Variants in CAMK1D observed in about 807,000 individuals in gnomAD.
CAMK1D encodes calcium/calmodulin dependent protein kinase ID.
A neutral mutation model predicts 47.7 loss-of-function variants in CAMK1D; 9 were observed. The observed-to-expected ratio is 0.19, with a 90% CI of 0.11 to 0.33. CAMK1D has a LOEUF of 0.33. Among genes scored for constraint, CAMK1D ranks in the 10% least tolerant of loss-of-function variants. The probability of loss-of-function intolerance (pLI) is 1.00; values close to 1 mark genes in which losing one functional copy is unlikely to be tolerated. For synonymous variants in CAMK1D, 184 were observed against 184.9 expected (o/e 0.99, Z 0.04); for missense variants, 291 against 488.7 (o/e 0.60, Z 3.81).
chr10:12,540,479 C>T (rs1467882525), intron 1 of CAMK1D, among the ~76,000 whole-genome samples: 1 of 152,126 alleles, frequency 6.6e-6, no homozygotes, highest in Middle Eastern at 3.2e-3. Flanking sequence ...TTGTCTTCTG[C>T]GTTTGGATCA....
rs191904763 is a variant in CAMK1D, at chr10:12,656,237, G to T, written c.225-10499G>T. On this transcript the variant is annotated intron_variant, in intron 2 of 10. Transcript: ENST00000619168. Reference sequence around the variant, plus strand: ...AGTGCTAGCTATGCCCCCACAGTGGGTACCCTGCATTGTACTAAGGAGGCC... The same window carrying T: ...AGTGCTAGCTATGCCCCCACAGTGGTTACCCTGCATTGTACTAAGGAGGCC... Among the ~76,000 whole-genome samples the T allele has an allele frequency of 2.6e-5, 4 of 152,306 alleles. No homozygotes were observed. In the East Asian group the frequency reaches 7.7e-4, roughly 29 times the overall value.
chr10:12,537,303 C>G (rs1393019847), intron 1 of CAMK1D, among the ~76,000 whole-genome samples: 1 of 152,218 alleles, frequency 6.6e-6, no homozygotes, highest in Non-Finnish European at 1.5e-5. Context: ...AACTCCTGAC[C>G]TCAAGTGATC....
chr10:12,517,974 A>C (rs1318005989), intron 1 of CAMK1D, among the ~76,000 whole-genome samples: 1 of 152,112 alleles, frequency 6.6e-6, no homozygotes, highest in Admixed American at 6.5e-5. Context: ...ATTATTTTTT[A>C]CTTAAATTCT....
chr10:12,355,761 A>G (rs748022873), intron 1 of CAMK1D, among the ~76,000 whole-genome samples: 4 of 152,184 alleles, frequency 2.6e-5, no homozygotes, highest in Non-Finnish European at 5.9e-5. Flanking sequence ...TCATACATTT[A>G]AAAATATCGG....
At chr10:12,723,703 C>G (rs572232068) in intron 3 of CAMK1D, among the ~76,000 whole-genome samples, 12 of 152,094 alleles carry the variant, frequency 7.9e-5, no homozygotes, top group Admixed American at 5.2e-4. Flanking sequence ...TATATCCTTG[C>G]AGTAGTTTAA....
At chr10:12,559,088 G>A (rs1308442591) in intron 2 of CAMK1D, among the ~76,000 whole-genome samples, 1 of 152,040 alleles carries the variant, frequency 6.6e-6, no homozygotes, top group African/African-American at 2.4e-5. Context: ...CAGGAGGATT[G>A]TCTGAGGCTG....
chr10:12,515,405 T>TTTC (rs1387524574), intron 1 of CAMK1D, among the ~76,000 whole-genome samples: 1 of 82,280 alleles, frequency 1.2e-5, no homozygotes, highest in African/African-American at 4.9e-5. Context: ...TCCTTTTCTT[T>TTTC]TTTTTTTTTT....
At chr10:12,462,733 C>T (rs529250517) in intron 1 of CAMK1D, among the ~76,000 whole-genome samples, 1 of 152,118 alleles carries the variant, frequency 6.6e-6, no homozygotes, top group Non-Finnish European at 1.5e-5. Flanking sequence ...GCTCTGTTTC[C>T]CAGGCTGGAG....
chr10:12,617,371 C>T (rs911918660), intron 2 of CAMK1D, among the ~76,000 whole-genome samples: 7 of 152,066 alleles, frequency 4.6e-5, no homozygotes, highest in Admixed American at 1.3e-4. Flanking sequence ...CCAGAAATTC[C>T]CCGTGTTAAC....
At chr10:12,815,582 G>A (rs1247794044) in intron 7 of CAMK1D, among the ~76,000 whole-genome samples, 1 of 152,246 alleles carries the variant, frequency 6.6e-6, no homozygotes, top group Non-Finnish European at 1.5e-5. Flanking sequence ...TTGAGGGGCC[G>A]CACCCTGCAG....
intron 1 of CAMK1D, among the ~76,000 whole-genome samples, chr10:12,523,888 ATTAT>A (rs201176779): frequency 7.3e-5 from 11 of 151,614 alleles, no homozygotes; most frequent in Admixed American, 2.6e-4. Context: ...TTTTGTAGGG[ATTAT>A]TTATTTATTT....
chr10:12,746,552 C>G (rs73574074), intron 3 of CAMK1D, among the ~76,000 whole-genome samples: 3,154 of 152,230 alleles, frequency 0.021, 108 homozygotes, highest in African/African-American at 0.072. Flanking sequence ...AGCAAGCAGA[C>G]AGCTCCTGGA....
intron 1 of CAMK1D, among the ~76,000 whole-genome samples, chr10:12,428,429 C>T (rs534555619): frequency 3.9e-5 from 6 of 152,272 alleles, no homozygotes; most frequent in South Asian, 2.1e-4. Flanking sequence ...TCTCCACGTT[C>T]GACATTCTAT....
intron 1 of CAMK1D, among the ~76,000 whole-genome samples, chr10:12,485,352 C>G (rs1035177695): frequency 2.9e-4 from 44 of 152,166 alleles, no homozygotes; most frequent in African/African-American, 1.0e-3. Context: ...CCTGGGGATT[C>G]TTTCTGGTTG....
chr10:12,797,587 C>T (rs2068404221), intron 6 of CAMK1D, among the ~76,000 whole-genome samples: 1 of 152,114 alleles, frequency 6.6e-6, no homozygotes, highest in South Asian at 2.1e-4. Flanking sequence ...CCCATTATCA[C>T]TCCAGCATCG....
intron 1 of CAMK1D, among the ~76,000 whole-genome samples, chr10:12,442,696 T>C (rs1327434): frequency 0.99 from 150,972 of 152,314 alleles, 74,837 homozygotes; most frequent in Middle Eastern, 1. Flanking sequence ...GCTGATATCA[T>C]GGTTTAGGTT....
intron 1 of CAMK1D, among the ~76,000 whole-genome samples, chr10:12,552,018 C>T (rs1410962915): frequency 2.0e-5 from 3 of 152,214 alleles, no homozygotes; most frequent in Non-Finnish European, 4.4e-5. Flanking sequence ...TGGTACTTCC[C>T]TGTGCACAGA....
At chr10:12,598,294 C>T (rs1341194574) in intron 2 of CAMK1D, among the ~76,000 whole-genome samples, 1 of 152,154 alleles carries the variant, frequency 6.6e-6, no homozygotes, top group Non-Finnish European at 1.5e-5. Context: ...TCAGAGCGTG[C>T]GATTAGGTGT....
At chr10:12,610,852 G>C (rs1838597048) in intron 2 of CAMK1D, among the ~76,000 whole-genome samples, 1 of 152,214 alleles carries the variant, frequency 6.6e-6, no homozygotes. Context: ...TTCTATTCAA[G>C]ATTATGTATG....
Sources: gnomAD v4.1 joint callset for allele counts (sites outside exome capture counted in the v4.1 genomes callset) on GRCh38, gnomAD v4.1.1 for gene constraint, MANE v1.5 for transcripts, NCBI Gene and HGNC (gene_info 2026-07-23, HGNC 2026-07-21) for gene names.